BSN: variants seen among roughly 807,000 people sequenced by gnomAD.
BSN encodes bassoon presynaptic cytomatrix protein, also known as protein bassoon.
In BSN, 57 loss-of-function variants were observed where a neutral mutation model predicts 264.8. That is an observed-to-expected ratio of 0.22 (90% CI 0.17 to 0.27). The LOEUF is 0.27. Ranked by LOEUF, BSN falls within the 10% of genes least tolerant of loss-of-function variation. The pLI is 1.00. For missense variants in BSN, 4,615 were observed against 5,232.5 expected (o/e 0.88, Z 3.64); for synonymous variants, 2,059 against 2,137.3 (o/e 0.96, Z 1.01).
chr3:49,667,296 T>A (rs6765869), intron 11 of BSN, among the ~76,000 whole-genome samples: 78,667 of 147,672 alleles, frequency 0.53, 21,972 homozygotes, highest in East Asian at 0.95. Context: ...CCCTTCTCCA[T>A]CACTCTTAAG....
chr3:49,663,069 C>G lies in BSN; in HGVS notation c.10911C>G (p.Gly3637=). ...GLWPHDEGGP[G]RHASAKEHRH... ...GGCCTCATGATGAGGGTGGCCCAGG[C>G]CGCCATGCCTCAGCCAAGGAACACC... Residue 3637 remains glycine (G), a synonymous_variant, in exon 7 of 12, where the codon GGC becomes GGG. Coordinates refer to ENST00000296452, the MANE Select transcript of BSN (RefSeq NM_003458.4). 6.2e-7 allele frequency: 1 copy of G among 1,612,838 alleles called. No homozygotes were observed. Among genetic ancestry groups the G allele is most frequent in the Non-Finnish European group, 8.5e-7 (1 of 1,179,868 alleles).
chr3:49,610,584 C>CAAAAAAA (rs60726552), intron 1 of BSN, among the ~76,000 whole-genome samples: 6 of 71,172 alleles, frequency 8.4e-5, no homozygotes, highest in African/African-American at 1.2e-4. Context: ...AATTTCATCT[C>CAAAAAAA]AAAAAAAAAA....
intron 1 of BSN, among the ~76,000 whole-genome samples, chr3:49,596,834 CT>C (rs963601865): frequency 3.9e-4 from 58 of 150,510 alleles, no homozygotes; most frequent in South Asian, 2.3e-3. Context: ...ATTGCTGAAA[CT>C]TTTTTTTTTC....
rs2052656707 is a variant in BSN, at chr3:49,661,678, C to T, written c.9833C>T (p.Pro3278Leu). 1 of 1,613,600 alleles carries T rather than the reference C, an allele frequency of 6.2e-7. No homozygotes were observed. The highest frequency in any genetic ancestry group is 1.1e-5 in the South Asian group (1 of 91,092). Reference protein sequence around the residue: ...EPGEPGVLDGPTLPCCYARGE... With the variant: ...EPGEPGVLDGLTLPCCYARGE... Reference sequence around the variant, plus strand: ...GGAGAACCAGGTGTCCTTGACGGGCCCACACTGCCCTGCTGCTATGCCAGA... The same window carrying T: ...GGAGAACCAGGTGTCCTTGACGGGCTCACACTGCCCTGCTGCTATGCCAGA... The change falls in exon 6 of 12, where the codon CCC becomes CTC. Residue 3278 changes from proline to leucine, a missense_variant. Around this residue, in one of 3 missense-constraint regions of BSN, gnomAD observed 3,415 missense variants for 3,866.4 expected, o/e 0.88. Coordinates refer to ENST00000296452, the MANE Select transcript of BSN (RefSeq NM_003458.4).
intron 1 of BSN, among the ~76,000 whole-genome samples, chr3:49,557,008 A>C (rs902162526): frequency 5.9e-5 from 9 of 152,178 alleles, no homozygotes; most frequent in Non-Finnish European, 2.9e-5. Context: ...AGGCTGAATT[A>C]GTCTTTTCAT....
In BSN at chr3:49,554,519, G is replaced by A. The variant is rs992883808; in HGVS notation, c.-84G>A. 4 of 404,698 alleles carry A rather than the reference G, an allele frequency of 9.9e-6. No individual in the cohort carries two copies. The highest frequency in any genetic ancestry group is 1.3e-5 in the Non-Finnish European group (4 of 299,964). The allele number at this position is 404,698 out of a possible 1,614,324, so 25.1% of individuals were successfully genotyped here. A position where few individuals can be genotyped will look rare whatever the true frequency, so the allele number is the denominator to read the frequency against. ...GAGCTGGGAGATGGCGGCGGCAGCG[G>A]CGGCGCCGAGAGTGTGAGCACCGCC... On this transcript the variant is annotated 5_prime_UTR_variant, in exon 1 of 12. Transcript: ENST00000296452.
chr3:49,567,369 C>T (rs1190365778), intron 1 of BSN, among the ~76,000 whole-genome samples: 2 of 152,212 alleles, frequency 1.3e-5, no homozygotes, highest in Non-Finnish European at 2.9e-5. Context: ...TTGTTACCGT[C>T]ATTCTGCACA....
chr3:49,654,484 G>A lies in BSN; in HGVS notation c.4928G>A (p.Cys1643Tyr). Residue 1643 changes from cysteine to tyrosine, a missense_variant, in exon 5 of 12, where the codon TGC (cysteine) becomes TAC (tyrosine). Around this residue, in one of 3 missense-constraint regions of BSN, gnomAD observed 3,415 missense variants for 3,866.4 expected, o/e 0.88. Transcript: ENST00000296452. This position sits in a 1 kb window ranked among gnomAD's most constrained non-coding sequence, Gnocchi z 4.1. ...CTCCCTGCTGAGAACATCTCCCTGT[G>A]CCGGATCTCCTCTGTCCCTGGGACG... ...GALPAENISL[C>Y]RISSVPGTSR... 1 of 1,610,418 alleles carries A rather than the reference G, an allele frequency of 6.2e-7. No individual in the cohort carries two copies. The highest frequency in any genetic ancestry group is 1.1e-5 in the South Asian group (1 of 90,388).
chr3:49,651,104 A>ACCC lies in BSN; in HGVS notation c.1986+26_1986+28dup. 1.3e-6 allele frequency: 2 copies of ACCC among 1,585,292 alleles called. No homozygotes were observed. The highest frequency in any genetic ancestry group is 1.7e-6 in the Non-Finnish European group (2 of 1,171,182). On this transcript the variant is annotated intron_variant, in intron 4 of 11. Coordinates refer to ENST00000296452, the MANE Select transcript of BSN (RefSeq NM_003458.4). The surrounding 1 kb of genome is among the most constrained non-coding windows in gnomAD (Gnocchi z 5.4). ...GGTCAGTCCCATTCACTTCCCAGAG[A>ACCC]CCCTAGCTTTCAGACAGGACAGTCT...
intron 1 of BSN, among the ~76,000 whole-genome samples, chr3:49,598,158 T>A: frequency 6.6e-6 from 1 of 152,218 alleles, no homozygotes; most frequent in Non-Finnish European, 1.5e-5. Flanking sequence ...GCTTACTTGG[T>A]TTTCTGTGTA....
intron 1 of BSN, among the ~76,000 whole-genome samples, chr3:49,621,124 AG>A (rs2052302582): frequency 6.6e-6 from 1 of 152,192 alleles, no homozygotes; most frequent in Non-Finnish European, 1.5e-5. Context: ...GCCCACATTT[AG>A]GGGGAAGATC....
chr3:49,623,374 G>A (rs1425135005), intron 1 of BSN, among the ~76,000 whole-genome samples: 1 of 152,232 alleles, frequency 6.6e-6, no homozygotes, highest in Non-Finnish European at 1.5e-5. Context: ...GCAGTATAAA[G>A]CATTGTCTTT....
Position 49,662,480 on chromosome 3 carries a change from G to C in BSN, c.10635G>C (p.Lys3545Asn). The change falls in exon 6 of 12, where the codon AAG becomes AAC. Residue 3545 changes from lysine to asparagine, a missense_variant. Physicochemically the swap from Lys to Asn is moderately conservative, Grantham distance 94. Transcript: ENST00000296452. ...TGCCTGATGTCCAGGAACATGTCAA[G>C]GACGGACCTCGGGCCCACGCATATA... ...HSMPDVQEHVKDGPRAHAYKR... is the reference protein window; with the variant it reads ...HSMPDVQEHVNDGPRAHAYKR... 6.2e-7 allele frequency: 1 copy of C among 1,613,710 alleles called. No individual in the cohort carries two copies. The highest frequency in any genetic ancestry group is 8.5e-7 in the Non-Finnish European group (1 of 1,180,006).
rs751460767 is a variant in BSN at position 49,655,315 on chromosome 3, C to T, written c.5759C>T (p.Ala1920Val). Residue 1920 changes from alanine (A) to valine (V), a missense_variant, in exon 5 of 12, where the codon GCC (alanine) becomes GTC (valine). Physicochemically the swap from Ala to Val is moderately conservative, Grantham distance 64 (BLOSUM62 0). Transcript: ENST00000296452. ...GSSCTGTFHP[A>V]PSVPEKSMAD... is the part of the protein sequence containing the mutation. ...AGCTGCACTGGCACCTTCCACCCGG[C>T]CCCCAGTGTGCCTGAGAAGAGCATG... The T allele has an allele frequency of 1.2e-6, 2 of 1,610,276 alleles. No individual in the cohort carries two copies. Among genetic ancestry groups the T allele is most frequent in the Non-Finnish European group, 1.7e-6 (2 of 1,178,630 alleles).
chr3:49,657,850 C>T lies in BSN; in HGVS notation c.8294C>T (p.Pro2765Leu), dbSNP rs374932169. 3.1e-5 allele frequency: 50 copies of T among 1,612,138 alleles called. No homozygotes were observed. Among genetic ancestry groups the T allele is most frequent in the Non-Finnish European group, 4.1e-5 (48 of 1,179,486 alleles). ...LGRFEKKKPDPLEIGYQAHLP... is the reference protein window; with the variant it reads ...LGRFEKKKPDLLEIGYQAHLP... The stretch of plus-strand genomic sequence containing the variant: ...AGATTTGAAAAAAAGAAGCCAGATC[C>T]CCTGGAGATTGGGTACCAGGCCCAC... The change falls in exon 5 of 12, where the codon CCC (proline) becomes CTC (leucine). Residue 2765 changes from proline to leucine, a missense_variant. By Grantham distance (98) the Pro-to-Leu change is moderately conservative. Transcript: ENST00000296452.
At position 49,656,071 on chromosome 3, in the gene BSN, G is replaced by A; in HGVS notation, c.6515G>A (p.Gly2172Asp). Residue 2172 changes from glycine (G) to aspartate (D), a missense_variant, in exon 5 of 12, where the codon GGC (glycine) becomes GAC (aspartate). By Grantham distance (94) the Gly-to-Asp change is moderately conservative. This residue lies in a region of BSN where 3,415 missense variants were observed against 3,866.4 expected (regional missense o/e 0.88). Transcript: ENST00000296452. Reference sequence around the variant, plus strand: ...TTGGCCCAGTATGGGCCTGCAGCAGGCCAAGGAACAGCAGTCAGACAGCTG... The same window carrying A: ...TTGGCCCAGTATGGGCCTGCAGCAGACCAAGGAACAGCAGTCAGACAGCTG... ...GNLAQYGPAAGQGTAVRQLLP... is the reference protein window; with the variant it reads ...GNLAQYGPAADQGTAVRQLLP... The A allele has an allele frequency of 1.2e-6, 2 of 1,610,252 alleles. No individual in the cohort carries two copies. The highest frequency in any genetic ancestry group is 1.7e-6 in the Non-Finnish European group (2 of 1,178,942).
Position 49,660,588 on chromosome 3 carries a change from C to G in BSN, c.8743C>G (p.Pro2915Ala), listed in dbSNP as rs2052645458. 48 of 1,611,916 alleles carry G rather than the reference C, an allele frequency of 3.0e-5. No homozygotes were observed. Among genetic ancestry groups the G allele is most frequent in the Non-Finnish European group, 3.7e-5 (44 of 1,179,248 alleles). ...AHLPLAGQASPQLYAASLLQR... is the reference protein window; with the variant it reads ...AHLPLAGQASAQLYAASLLQR... ...CCTTCCCCTGGCTGGCCAGGCCTCC[C>G]CACAGCTGTATGCAGCCAGCCTGCT... Residue 2915 changes from proline (P) to alanine (A), a missense_variant, in exon 6 of 12, where the codon CCA becomes GCA. Coordinates refer to ENST00000296452, the MANE Select transcript of BSN (RefSeq NM_003458.4). The surrounding 1 kb of genome is among the most constrained non-coding windows in gnomAD (Gnocchi z 7.1).
rs1024597886 is a variant in BSN, at chr3:49,638,394, C to T, written c.634-3874C>T. On this transcript the variant is annotated intron_variant, in intron 2 of 11. Coordinates refer to ENST00000296452, the MANE Select transcript of BSN (RefSeq NM_003458.4). The surrounding 1 kb of genome is among the most constrained non-coding windows in gnomAD (Gnocchi z 4.3). ...TCCCCCTGAGTGTGGGGATAGGGGCCTTGCAGTATGGAGGAAGAGACTGAG... is the reference window on the plus strand; with the variant it reads ...TCCCCCTGAGTGTGGGGATAGGGGCTTTGCAGTATGGAGGAAGAGACTGAG... Among the ~76,000 whole-genome samples the T allele has an allele frequency of 1.3e-5, 2 of 152,210 alleles. No homozygotes were observed. Among genetic ancestry groups the T allele is most frequent in the Non-Finnish European group, 2.9e-5 (2 of 68,032 alleles).
chr3:49,661,786 C>A lies in BSN; in HGVS notation c.9941C>A (p.Pro3314Gln). The A allele has an allele frequency of 6.2e-7, 1 of 1,613,512 alleles. No individual in the cohort carries two copies. The highest frequency in any genetic ancestry group is 1.1e-5 in the South Asian group (1 of 91,082). Residue 3314 changes from proline to glutamine, a missense_variant, in exon 6 of 12, where the codon CCA becomes CAA. Coordinates refer to ENST00000296452, the MANE Select transcript of BSN (RefSeq NM_003458.4). The part of the protein sequence containing the change: ...HLRSMESNGR[P>Q]ASTHYYGDSD... ...CGGAGCATGGAGAGCAATGGTCGAC[C>A]AGCCAGTACCCACTACTATGGTGAC...
Sources: gnomAD v4.1 joint callset for allele counts (sites outside exome capture counted in the v4.1 genomes callset) on GRCh38, gnomAD v4.1.1 for gene constraint, gnomAD v4.1.1 regional missense constraint, Gnocchi (gnomAD v3.1) non-coding constraint, MANE v1.5 for transcripts, NCBI Gene and HGNC (gene_info 2026-07-23, HGNC 2026-07-21) for gene names.